Variants in OR2J1 observed in about 807,000 individuals in gnomAD.
OR2J1 encodes the protein olfactory receptor 2J1.
A neutral mutation model predicts 10.2 loss-of-function variants in OR2J1; 10 were observed. The observed-to-expected ratio is 0.98, with a 90% CI of 0.60 to 1.66. The LOEUF (loss-of-function observed/expected upper bound fraction) is 1.66. OR2J1 is among the 40% of genes most tolerant of loss of function. OR2J1 has a pLI of 0.00. For synonymous variants in OR2J1, 143 were observed against 138.8 expected (o/e 1.03, Z -0.21); for missense variants, 317 against 379.4 (o/e 0.84, Z 1.37).
In OR2J1 at chr6:29,101,701, C is replaced by A; in HGVS notation, c.759C>A (p.Phe253Leu). The change falls in exon 2 of 2, where the codon TTC becomes TTA. Residue 253 changes from phenylalanine (F) to leucine (L), a missense_variant. Transcript: ENST00000641659. ...ATCTTATGGTTGTATCTCTCTTTTTCATTCCAGTCATGTGCATGTATCTCC... is the reference window on the plus strand; with the variant it reads ...ATCTTATGGTTGTATCTCTCTTTTTAATTCCAGTCATGTGCATGTATCTCC... ...GAHLMVVSLF[F>L]IPVMCMYLQP... 1.2e-6 allele frequency: 2 copies of A among 1,613,750 alleles called. No homozygotes were observed. Among genetic ancestry groups the A allele is most frequent in the Non-Finnish European group, 1.7e-6 (2 of 1,179,662 alleles).
In OR2J1 at chr6:29,102,597, A is replaced by G. The variant is rs959507110; in HGVS notation, c.*716A>G. 9.2e-5 allele frequency: 14 copies of G among 152,224 alleles called. No homozygotes were observed. Among genetic ancestry groups the G allele is most frequent in the African/African-American group, 2.9e-4 (12 of 41,452 alleles). 9.4% of individuals were successfully genotyped at this position (152,224 alleles called of 1,614,324 possible). On this transcript the variant is annotated 3_prime_UTR_variant, in exon 2 of 2. Coordinates refer to ENST00000641659, the MANE Select transcript of OR2J1 (RefSeq NM_001348294.2). ...GTTTGTGAAATTCTTGGTAACATGT[A>G]TAAATATAACATACTTTGTCTGAAC...
At position 29,101,369 on chromosome 6, in the gene OR2J1, C is replaced by T. The variant is rs536457657; in HGVS notation, c.427C>T (p.Arg143Cys). 115 of 1,594,210 alleles carry T rather than the reference C, an allele frequency of 7.2e-5. 2 individuals carry two copies. The South Asian group carries it at 9.2e-4, about 13-fold the overall frequency. The change falls in exon 2 of 2, where the codon CGC (arginine) becomes TGC (cysteine). Residue 143 changes from arginine (R) to cysteine (C), a missense_variant. Physicochemically the swap from Arg to Cys is radical, Grantham distance 180. Coordinates refer to ENST00000641659, the MANE Select transcript of OR2J1 (RefSeq NM_001348294.2). ...TGTCCTCATGCACCCTCGTTTCTGCCGCTTGTTGGCTGCGGCTTCTTGGGT... is the reference window on the plus strand; with the variant it reads ...TGTCCTCATGCACCCTCGTTTCTGCTGCTTGTTGGCTGCGGCTTCTTGGGT... ...YTVLMHPRFC[R>C]LLAAASWVSG...
Position 29,101,428 on chromosome 6 carries a change from C to A in OR2J1, c.486C>A (p.Ser162=). ...SGFTTSALHS[S]FTFWIPLCRH... Reference sequence around the variant, plus strand: ...TTACAACCTCAGCACTTCATTCCTCCTTTACTTTCTGGATACCCCTATGTA... The same window carrying A: ...TTACAACCTCAGCACTTCATTCCTCATTTACTTTCTGGATACCCCTATGTA... The change falls in exon 2 of 2, where the codon TCC becomes TCA. Residue 162 remains serine, a synonymous_variant. Coordinates refer to ENST00000641659, the MANE Select transcript of OR2J1 (RefSeq NM_001348294.2). 1.3e-6 allele frequency: 2 copies of A among 1,524,226 alleles called. No individual in the cohort carries two copies. The highest frequency in any genetic ancestry group is 2.2e-5 in the South Asian group (2 of 89,402). The allele number at this position is 1,524,226 out of a possible 1,614,324, so 94.4% of individuals were successfully genotyped here.
Position 29,101,390 on chromosome 6 carries a change from TG to T in OR2J1, c.451del (p.Val151Ter). ...CTGCCGCTTGTTGGCTGCGGCTTCTTGGGTAAGTGGTTTTACAACCTCAGCA... is the reference window on the plus strand; with the variant it reads ...CTGCCGCTTGTTGGCTGCGGCTTCTTGGTAAGTGGTTTTACAACCTCAGCA... ...RFCRLLAAASWVSGFTTSALH... is the reference protein window; with the variant it reads ...RFCRLLAAASXVSGFTTSALH... On this transcript the variant is annotated frameshift_variant, in exon 2 of 2. Transcript: ENST00000641659. LOFTEE classifies it high-confidence loss of function. 1.9e-6 allele frequency: 3 copies of T among 1,577,896 alleles called. No homozygotes were observed. Among genetic ancestry groups the T allele is most frequent in the African/African-American group, 2.7e-5 (2 of 74,374 alleles).
rs1761609591 is a variant in OR2J1, at chr6:29,101,496, T to G, written c.554T>G (p.Leu185Arg). ...VDHFFCEVPALLRLSCVDTQA... is the reference protein window; with the variant it reads ...VDHFFCEVPARLRLSCVDTQA... ...CACTTCTTCTGTGAAGTTCCAGCAC[T>G]TCTGCGATTATCATGTGTTGATACC... The change falls in exon 2 of 2, where the codon CTT becomes CGT. Residue 185 changes from leucine (L) to arginine (R), a missense_variant. Physicochemically the swap from Leu to Arg is moderately radical, Grantham distance 102 (BLOSUM62 -2). Coordinates refer to ENST00000641659, the MANE Select transcript of OR2J1 (RefSeq NM_001348294.2). The G allele has an allele frequency of 2.0e-6, 3 of 1,514,614 alleles. No individual in the cohort carries two copies. Among genetic ancestry groups the G allele is most frequent in the Non-Finnish European group, 2.8e-6 (3 of 1,088,160 alleles). The allele number at this position is 1,514,614 out of a possible 1,614,324, so 93.8% of individuals were successfully genotyped here. A position where few individuals can be genotyped will look rare whatever the true frequency, so the allele number is the denominator to read the frequency against.
chr6:29,102,111 A>G lies in OR2J1; in HGVS notation c.*230A>G, dbSNP rs1485845258. 6.9e-6 allele frequency: 3 copies of G among 437,570 alleles called. No individual in the cohort carries two copies. Among genetic ancestry groups the G allele is most frequent in the Non-Finnish European group, 1.2e-5 (3 of 249,154 alleles). 27.1% of individuals were successfully genotyped at this position (437,570 alleles called of 1,614,324 possible). ...TACAATTCTATATTTATTTCCATGA[A>G]AATTGTGGACTGTGGTTTCAACATA... On this transcript the variant is annotated 3_prime_UTR_variant, in exon 2 of 2. Coordinates refer to ENST00000641659, the MANE Select transcript of OR2J1 (RefSeq NM_001348294.2).
Position 29,100,952 on chromosome 6 carries a change from A to G in OR2J1, c.10A>G (p.Lys4Glu), listed in dbSNP as rs751860413. The change falls in exon 2 of 2, where the codon AAA becomes GAA. Residue 4 changes from lysine (K) to glutamate (E), a missense_variant. Physicochemically the swap from Lys to Glu is moderately conservative, Grantham distance 56. Transcript: ENST00000641659. MLM[K>E]KNASFEDFFL... ...TACAGGAAAAATAAGAATGTTGATG[A>G]AAAAAAATGCAAGTTTTGAAGACTT... The G allele has an allele frequency of 2.9e-4, 361 of 1,256,662 alleles. No homozygotes were observed. The highest frequency in any genetic ancestry group is 3.1e-4 in the Non-Finnish European group (269 of 861,742). 77.8% of individuals were successfully genotyped at this position (1,256,662 alleles called of 1,614,324 possible). A position where few individuals can be genotyped will look rare whatever the true frequency, so the allele number is the denominator to read the frequency against.
Position 29,102,125 on chromosome 6 carries a change from G to A in OR2J1, c.*244G>A. 2 of 415,756 alleles carry A rather than the reference G, an allele frequency of 4.8e-6. No individual in the cohort carries two copies. Among genetic ancestry groups the A allele is most frequent in the South Asian group, 5.7e-5 (1 of 17,620 alleles). 25.8% of individuals were successfully genotyped at this position (415,756 alleles called of 1,614,324 possible). ...TATTTCCATGAAAATTGTGGACTGTGGTTTCAACATAAATAAATGTGTGTG... is the reference window on the plus strand; with the variant it reads ...TATTTCCATGAAAATTGTGGACTGTAGTTTCAACATAAATAAATGTGTGTG... On this transcript the variant is annotated 3_prime_UTR_variant, in exon 2 of 2. Coordinates refer to ENST00000641659, the MANE Select transcript of OR2J1 (RefSeq NM_001348294.2).
chr6:29,099,863 G>A lies in OR2J1; in HGVS notation c.-184+5G>A, dbSNP rs1471341583. 1 of 152,198 alleles carries A rather than the reference G, an allele frequency of 6.6e-6. No homozygotes were observed. The highest frequency in any genetic ancestry group is 6.5e-5 in the Admixed American group (1 of 15,278). 9.4% of individuals were successfully genotyped at this position (152,198 alleles called of 1,614,324 possible). A position where few individuals can be genotyped will look rare whatever the true frequency, so the allele number is the denominator to read the frequency against. On this transcript the variant is annotated splice_donor_5th_base_variant and intron_variant, in intron 1 of 1. Transcript: ENST00000641659. ...AAGTTTTTCAAAACACTGAAGGTGAGTTGGGTGTAAATAAATTTGTCTTTT... is the reference window on the plus strand; with the variant it reads ...AAGTTTTTCAAAACACTGAAGGTGAATTGGGTGTAAATAAATTTGTCTTTT...
rs1348462266 is a variant in OR2J1, at chr6:29,101,430, T to C, written c.488T>C (p.Phe163Ser). ...ACAACCTCAGCACTTCATTCCTCCT[T>C]TACTTTCTGGATACCCCTATGTAGA... ...GFTTSALHSSFTFWIPLCRHR... is the reference protein window; with the variant it reads ...GFTTSALHSSSTFWIPLCRHR... Residue 163 changes from phenylalanine (F) to serine (S), a missense_variant, in exon 2 of 2, where the codon TTT (phenylalanine) becomes TCT (serine). Phe to Ser is a radical substitution (Grantham distance 155, BLOSUM62 -2). Coordinates refer to ENST00000641659, the MANE Select transcript of OR2J1 (RefSeq NM_001348294.2). 6.6e-7 allele frequency: 1 copy of C among 1,523,254 alleles called. No homozygotes were observed. The allele number at this position is 1,523,254 out of a possible 1,614,324, so 94.4% of individuals were successfully genotyped here. A position where few individuals can be genotyped will look rare whatever the true frequency, so the allele number is the denominator to read the frequency against.
Position 29,102,370 on chromosome 6 carries a change from G to A in OR2J1, c.*489G>A, listed in dbSNP as rs1761690789. 1 of 153,070 alleles carries A rather than the reference G, an allele frequency of 6.5e-6. No individual in the cohort carries two copies. The highest frequency in any genetic ancestry group is 1.5e-5 in the Non-Finnish European group (1 of 68,732). The allele number at this position is 153,070 out of a possible 1,614,324, so 9.5% of individuals were successfully genotyped here. ...AATGAATAACACCATTTATTATATG[G>A]TAAAGGATATGTCATAATTTTTTGG... On this transcript the variant is annotated 3_prime_UTR_variant, in exon 2 of 2. Transcript: ENST00000641659.
chr6:29,102,019 T>A lies in OR2J1; in HGVS notation c.*138T>A, dbSNP rs1761666079. On this transcript the variant is annotated 3_prime_UTR_variant, in exon 2 of 2. Coordinates refer to ENST00000641659, the MANE Select transcript of OR2J1 (RefSeq NM_001348294.2). ...AGTTCAGTTCCCCCATTTGTTGCTC[T>A]GTTTAATATTTAGTTCTGAAATATT... 1 of 574,126 alleles carries A rather than the reference T, an allele frequency of 1.7e-6. No homozygotes were observed. 35.6% of individuals were successfully genotyped at this position (574,126 alleles called of 1,614,324 possible).
rs775297166 is a variant in OR2J1, at chr6:29,101,134, T to C, written c.192T>C (p.Leu64=). 3 of 1,579,294 alleles carry C rather than the reference T, an allele frequency of 1.9e-6. No homozygotes were observed. The Admixed American group carries it at 5.0e-5, about 26-fold the overall frequency. Residue 64 remains leucine, a synonymous_variant, in exon 2 of 2, where the codon CTT becomes CTC. Coordinates refer to ENST00000641659, the MANE Select transcript of OR2J1 (RefSeq NM_001348294.2). ...SHLHTPMYFF[L]SNLSFLDLCY... ...TCCACACTCCCATGTACTTCTTCCT[T>C]TCAAATCTCTCATTTCTGGATCTCT...
rs1212952196 is a variant in OR2J1 at position 29,102,046 on chromosome 6, T to C, written c.*165T>C. 5.6e-6 allele frequency: 3 copies of C among 537,542 alleles called. No individual in the cohort carries two copies. The highest frequency in any genetic ancestry group is 3.8e-5 in the African/African-American group (2 of 52,664). 33.3% of individuals were successfully genotyped at this position (537,542 alleles called of 1,614,324 possible). On this transcript the variant is annotated 3_prime_UTR_variant, in exon 2 of 2. Coordinates refer to ENST00000641659, the MANE Select transcript of OR2J1 (RefSeq NM_001348294.2). Reference sequence around the variant, plus strand: ...TTTAATATTTAGTTCTGAAATATTATGTTGAGATAAAGGTTTTGATTAGTA... The same window carrying C: ...TTTAATATTTAGTTCTGAAATATTACGTTGAGATAAAGGTTTTGATTAGTA...
rs1245352329 is a variant in OR2J1 at position 29,101,595 on chromosome 6, C to A, written c.653C>A (p.Ser218Tyr). The stretch of plus-strand genomic sequence containing the variant: ...ATACCTCTCATCCTCATCCTCACTT[C>A]CTATGGTGCCATTGCCCGGGCTGTA... ...VLIPLILILT[S>Y]YGAIARAVLS... is the part of the protein sequence containing the mutation. The change falls in exon 2 of 2, where the codon TCC becomes TAC. Residue 218 changes from serine to tyrosine, a missense_variant. Transcript: ENST00000641659. 1.2e-6 allele frequency: 2 copies of A among 1,610,558 alleles called. No individual in the cohort carries two copies. The highest frequency in any genetic ancestry group is 1.7e-6 in the Non-Finnish European group (2 of 1,176,768).
Position 29,099,618 on chromosome 6 carries a change from TA to T in OR2J1, c.-417del, listed in dbSNP as rs1298909378. ...TTACCTTTCAACCTAGCGAAATTTT[TA>T]AAAAAATTCTTGCAATTTTTCCATG... On this transcript the variant is annotated 5_prime_UTR_variant, in exon 1 of 2. Coordinates refer to ENST00000641659, the MANE Select transcript of OR2J1 (RefSeq NM_001348294.2). 4 of 152,102 alleles carry T rather than the reference TA, an allele frequency of 2.6e-5. No homozygotes were observed. The highest frequency in any genetic ancestry group is 9.7e-5 in the African/African-American group (4 of 41,414). The allele number at this position is 152,102 out of a possible 1,614,324, so 9.4% of individuals were successfully genotyped here.
Position 29,101,945 on chromosome 6 carries a change from T to C in OR2J1, c.*64T>C, listed in dbSNP as rs1308435021. 2 of 676,522 alleles carry C rather than the reference T, an allele frequency of 3.0e-6. No homozygotes were observed. The highest frequency in any genetic ancestry group is 5.2e-6 in the Non-Finnish European group (2 of 386,342). 41.9% of individuals were successfully genotyped at this position (676,522 alleles called of 1,614,324 possible). ...TATCCATTTTGAAAGGTTGTTTCCC[T>C]GCTTCTTTGTGATTTGTGTTTCATC... is the stretch of plus-strand genomic sequence containing the variant. On this transcript the variant is annotated 3_prime_UTR_variant, in exon 2 of 2. Coordinates refer to ENST00000641659, the MANE Select transcript of OR2J1 (RefSeq NM_001348294.2).
chr6:29,099,951 G>A (rs1041584580), intron 1 of OR2J1, 93 bp downstream of exon 1: 4 of 151,812 alleles, frequency 2.6e-5, no homozygotes, highest in African/African-American at 9.7e-5. Flanking sequence ...AGCAGAAGGG[G>A]GATGGCAATG....
rs1761458733 is a variant in OR2J1 at position 29,099,494 on chromosome 6, A to C, written c.-548A>C. ...AAATATCAGATTTCACCTTTTAATT[A>C]CTGTAGTAAGGAAGTCAGGCAGCTG... is the stretch of plus-strand genomic sequence containing the variant. On this transcript the variant is annotated 5_prime_UTR_variant, in exon 1 of 2. Coordinates refer to ENST00000641659, the MANE Select transcript of OR2J1 (RefSeq NM_001348294.2). Among the ~76,000 whole-genome samples the C allele has an allele frequency of 6.6e-6, 1 of 151,364 alleles. No individual in the cohort carries two copies. The highest frequency in any genetic ancestry group is 2.4e-5 in the African/African-American group (1 of 41,138).
Sources: gnomAD v4.1 joint callset for allele counts (sites outside exome capture counted in the v4.1 genomes callset) on GRCh38, gnomAD v4.1.1 for gene constraint, MANE v1.5 for transcripts, NCBI Gene and HGNC (gene_info 2026-07-23, HGNC 2026-07-21) for gene names.